The following NPL variants were observed in gnomAD, a reference collection of about 807,000 sequenced individuals.
NPL encodes N-acetylneuraminate pyruvate lyase.
A neutral mutation model predicts 41.1 loss-of-function variants in NPL; 32 were observed. The observed-to-expected ratio is 0.78, with a 90% CI of 0.59 to 1.05. The LOEUF is 1.05. Among genes scored for constraint, NPL ranks in the 50% least tolerant of loss-of-function variants. The probability of loss-of-function intolerance (pLI) is 0.00; values close to 1 mark genes in which losing one functional copy is unlikely to be tolerated. For synonymous variants in NPL, 128 were observed against 134.9 expected, an observed-to-expected ratio of 0.95 and a Z score of 0.35; for missense variants, 321 against 378.4, an observed-to-expected ratio of 0.85 and a Z score of 1.26.
rs2102576429 is a variant in NPL at position 182,830,372 on chromosome 1, A to G, written c.*1464A>G. 1 of 152,304 alleles carries G rather than the reference A, an allele frequency of 6.6e-6. No individual in the cohort carries two copies. 9.4% of individuals were successfully genotyped at this position (152,304 alleles called of 1,614,324 possible). On this transcript the variant is annotated 3_prime_UTR_variant, in exon 13 of 13. Transcript: ENST00000367553. Reference sequence around the variant, plus strand: ...ATTCTTGGGTATCCAATAAACAAAGAACTATTTTTCTATTTTTGCTTTTGT... The same window carrying G: ...ATTCTTGGGTATCCAATAAACAAAGGACTATTTTTCTATTTTTGCTTTTGT...
chr1:182,806,543 G>A (rs1176393017), intron 5 of NPL: 1 of 1,535,848 alleles, frequency 6.5e-7, no homozygotes, highest in Non-Finnish European at 8.7e-7. Context: ...TAAGAGGGGA[G>A]GGTGGTGACG....
chr1:182,806,446 T>A lies in NPL; in HGVS notation c.230+214T>A. On this transcript the variant is annotated intron_variant, in intron 5 of 12. Coordinates refer to ENST00000367553, the MANE Select transcript of NPL (RefSeq NM_030769.3). ...GGGCAGCCAAACTGCTAGACACACC[T>A]GCCACCCAGAGGTTCCGCTGGGAAA... 2.0e-6 allele frequency: 3 copies of A among 1,536,806 alleles called. No individual in the cohort carries two copies. In the South Asian group the frequency reaches 3.6e-5, roughly 18 times the overall value.
intron 10 of NPL, among the ~76,000 whole-genome samples, chr1:182,820,089 G>A (rs886601899): frequency 5.9e-5 from 9 of 152,140 alleles, no homozygotes; most frequent in Non-Finnish European, 1.0e-4. Flanking sequence ...CTCTGCTTTA[G>A]CATGCACATG....
chr1:182,823,086 A>G (rs1211521054), intron 11 of NPL, among the ~76,000 whole-genome samples: 2 of 152,194 alleles, frequency 1.3e-5, no homozygotes, highest in Non-Finnish European at 2.9e-5. Flanking sequence ...GAATTGGAAG[A>G]AAGTAGGGTG....
chr1:182,790,874 C>G (rs890440449), intron 1 of NPL, among the ~76,000 whole-genome samples: 2 of 152,202 alleles, frequency 1.3e-5, no homozygotes, highest in Non-Finnish European at 2.9e-5. Context: ...AACTCCTGAC[C>G]TCAGGTGATC....
chr1:182,819,175 G>A (rs1249543666), intron 10 of NPL, among the ~76,000 whole-genome samples: 1 of 152,170 alleles, frequency 6.6e-6, no homozygotes, highest in East Asian at 1.9e-4. Context: ...TAAAGAAATG[G>A]GCCGGGCACA....
intron 11 of NPL, among the ~76,000 whole-genome samples, chr1:182,824,611 C>T (rs1002638874): frequency 2.0e-5 from 3 of 152,114 alleles, no homozygotes; most frequent in South Asian, 2.1e-4. Flanking sequence ...TCATGGCTAA[C>T]GTGGCAAAAC....
At position 182,803,501 on chromosome 1, in the gene NPL, C is replaced by G. The variant is rs139013475; in HGVS notation, c.69-197C>G. Among the ~76,000 whole-genome samples, 226 of 152,140 alleles carry G rather than the reference C, an allele frequency of 1.5e-3. 2 individuals are homozygous for G. The highest frequency in any genetic ancestry group is 5.2e-3 in the African/African-American group (217 of 41,458). On this transcript the variant is annotated intron_variant, in intron 3 of 12. Coordinates refer to ENST00000367553, the MANE Select transcript of NPL (RefSeq NM_030769.3). ...GTTTTGCTCACAGAAGTGAGGCATA[C>G]ATGGCTGAGTGAAGAAATCACCAGA...
intron 5 of NPL, 61 bp from the exon 6 acceptor site, chr1:182,812,095 G>A: frequency 2.6e-6 from 4 of 1,537,312 alleles, no homozygotes; most frequent in South Asian, 1.1e-5. Flanking sequence ...AACCAGGATA[G>A]TGCAGCCCTT....
chr1:182,816,623 G>A (rs1184895344), intron 7 of NPL, 91 bp from the exon 8 acceptor site: 9 of 889,258 alleles, frequency 1.0e-5, no homozygotes, highest in Non-Finnish European at 1.7e-5. Flanking sequence ...TGAGAAACAT[G>A]GTTGTGTTTC....
In NPL at chr1:182,794,422, G is replaced by A. The variant is rs113072670; in HGVS notation, c.51G>A (p.Thr17=). 2.4e-5 allele frequency: 38 copies of A among 1,614,128 alleles called. No homozygotes were observed. The African/African-American group carries it at 2.4e-4, about 10-fold the overall frequency. ...AGGGTCTTGTGGCTGCAACCATCACGCCAATGACTGAGAATGGGTAACTAT... is the reference window on the plus strand; with the variant it reads ...AGGGTCTTGTGGCTGCAACCATCACACCAATGACTGAGAATGGGTAACTAT... ...KLQGLVAATI[T]PMTENGEINF... is the part of the protein sequence containing the mutation. The change falls in exon 3 of 13, where the codon ACG becomes ACA. Residue 17 remains threonine, a synonymous_variant. Transcript: ENST00000367553.
At chr1:182,792,429 A>T (rs781446680) in intron 2 of NPL, 143 bp downstream of exon 2, 10 of 152,206 alleles carry the variant, frequency 6.6e-5, no homozygotes, top group Non-Finnish European at 1.5e-4. Flanking sequence ...CTAGGTGAAG[A>T]TATACAGCAG....
At chr1:182,795,979 G>C (rs1666652267) in intron 3 of NPL, 1 of 152,116 alleles carries the variant, frequency 6.6e-6, no homozygotes, top group Non-Finnish European at 1.5e-5. Flanking sequence ...CAATGTCAGT[G>C]TGTTCTTCCT....
chr1:182,824,612 G>A (rs1035532399), intron 11 of NPL, among the ~76,000 whole-genome samples: 5 of 151,970 alleles, frequency 3.3e-5, no homozygotes, highest in Admixed American at 6.6e-5. Flanking sequence ...CATGGCTAAC[G>A]TGGCAAAACC....
intron 3 of NPL, among the ~76,000 whole-genome samples, chr1:182,803,052 T>C (rs1666897642): frequency 6.6e-6 from 1 of 152,210 alleles, no homozygotes; most frequent in African/African-American, 2.4e-5. Flanking sequence ...AGACTCCATG[T>C]TTGTCCCAAA....
intron 5 of NPL, among the ~76,000 whole-genome samples, chr1:182,807,880 G>A (rs2102545570): frequency 7.6e-6 from 1 of 131,848 alleles, no homozygotes; most frequent in African/African-American, 3.0e-5. Context: ...GACAGAGTGA[G>A]ACTCCATCTC....
chr1:182,824,669 C>T (rs1480884416), intron 11 of NPL, among the ~76,000 whole-genome samples: 2 of 152,068 alleles, frequency 1.3e-5, no homozygotes, highest in Non-Finnish European at 2.9e-5. Flanking sequence ...TGGTGGCGGG[C>T]GCCTGTAGTC....
At chr1:182,809,566 G>T (rs1327929119) in intron 5 of NPL, among the ~76,000 whole-genome samples, 1 of 151,186 alleles carries the variant, frequency 6.6e-6, no homozygotes, top group Non-Finnish European at 1.5e-5. Context: ...AAGTTGAGAA[G>T]CTAGGAGGAA....
At chr1:182,802,217 T>C (rs544439570) in intron 3 of NPL, among the ~76,000 whole-genome samples, 2 of 152,224 alleles carry the variant, frequency 1.3e-5, no homozygotes, top group African/African-American at 4.8e-5. Context: ...TATGGAGGCA[T>C]GTGCCATAAT....
Sources: allele counts gnomAD v4.1 joint callset (sites outside exome capture counted in the v4.1 genomes callset), GRCh38; gene constraint gnomAD v4.1.1; transcripts MANE v1.5; gene names NCBI Gene and HGNC (gene_info 2026-07-23, HGNC 2026-07-21).